The following ZNF423 variants were observed in gnomAD, a reference collection of about 807,000 sequenced individuals.
ZNF423 encodes the protein Ebf-associated zinc finger protein.
In ZNF423, 12 loss-of-function variants were observed where a neutral mutation model predicts 95.8. The observed-to-expected ratio is 0.13, with a 90% CI of 0.08 to 0.20. ZNF423 has a LOEUF of 0.20. ZNF423 is among the 10% of genes least tolerant of loss of function. ZNF423 has a pLI of 1.00. For missense variants in ZNF423, 1,316 were observed against 1,737.1 expected (o/e 0.76, Z 4.31); for synonymous variants, 749 against 711.9 (o/e 1.05, Z -0.83).
At chr16:49,602,013 C>T (rs150668424) in intron 5 of ZNF423, among the ~76,000 whole-genome samples, 1 of 152,326 alleles carries the variant, frequency 6.6e-6, no homozygotes, top group African/African-American at 2.4e-5. Flanking sequence ...AACTCTGGTC[C>T]CAGCACTGGG....
chr16:49,541,106 C>G (rs568505172), intron 5 of ZNF423, among the ~76,000 whole-genome samples: 27 of 152,308 alleles, frequency 1.8e-4, no homozygotes, highest in Middle Eastern at 6.8e-3. Context: ...GACTCCCGCT[C>G]TCTGCACCCA....
At chr16:49,686,662 T>C (rs935007384) in intron 3 of ZNF423, among the ~76,000 whole-genome samples, 2 of 143,198 alleles carry the variant, frequency 1.4e-5, no homozygotes, top group African/African-American at 5.1e-5. Context: ...CTGCCAGGCT[T>C]CCTACCTACC....
chr16:49,531,203 G>A (rs1413977990), intron 5 of ZNF423, among the ~76,000 whole-genome samples: 1 of 151,980 alleles, frequency 6.6e-6, no homozygotes, highest in African/African-American at 2.4e-5. Flanking sequence ...TGGCCAAGCT[G>A]CGGCCCCTCC....
At chr16:49,499,619 A>G (rs548419464) in intron 7 of ZNF423, among the ~76,000 whole-genome samples, 1 of 152,258 alleles carries the variant, frequency 6.6e-6, no homozygotes, top group East Asian at 1.9e-4. Flanking sequence ...TGCTCTATGG[A>G]GCCGAGGCGG....
chr16:49,721,772 A>C (rs1001065467), intron 3 of ZNF423, among the ~76,000 whole-genome samples: 13 of 152,112 alleles, frequency 8.5e-5, no homozygotes, highest in Non-Finnish European at 1.6e-4. Flanking sequence ...AACCTCCTCC[A>C]CTTTGGAGAG....
chr16:49,660,868 A>G (rs575243848), intron 3 of ZNF423, among the ~76,000 whole-genome samples: 1 of 152,280 alleles, frequency 6.6e-6, no homozygotes, highest in East Asian at 1.9e-4. Context: ...TATTCAGACC[A>G]GAGCCAAACA....
intron 3 of ZNF423, among the ~76,000 whole-genome samples, chr16:49,698,662 C>A (rs1191727798): frequency 6.6e-6 from 1 of 152,174 alleles, no homozygotes; most frequent in Non-Finnish European, 1.5e-5. Flanking sequence ...GGCCCGGCGC[C>A]TGCTCCACAT....
intron 1 of ZNF423, among the ~76,000 whole-genome samples, chr16:49,803,130 G>T (rs148222517): frequency 2.4e-4 from 37 of 152,236 alleles, no homozygotes; most frequent in African/African-American, 8.2e-4. Flanking sequence ...ATGGTGGCAT[G>T]CATGTGTAGT....
intron 5 of ZNF423, among the ~76,000 whole-genome samples, chr16:49,612,858 A>G (rs1971770367): frequency 6.6e-6 from 1 of 152,188 alleles, no homozygotes; most frequent in Non-Finnish European, 1.5e-5. Flanking sequence ...TCAAAAACCA[A>G]CTGTATTTCT....
chr16:49,677,269 A>AAGAGT (rs2031111596), intron 3 of ZNF423, among the ~76,000 whole-genome samples: 3 of 66,280 alleles, frequency 4.5e-5, no homozygotes, highest in Non-Finnish European at 9.2e-5. Context: ...AAGAGAAGAG[A>AAGAGT]AGAGAAGAGA....
intron 1 of ZNF423, among the ~76,000 whole-genome samples, chr16:49,824,629 C>A (rs1427429648): frequency 6.6e-6 from 1 of 152,194 alleles, no homozygotes; most frequent in East Asian, 1.9e-4. Flanking sequence ...ACCTGGGCAC[C>A]ACCAGAGCTC....
At chr16:49,501,063 T>C (rs1464785557) in intron 7 of ZNF423, among the ~76,000 whole-genome samples, 1 of 151,944 alleles carries the variant, frequency 6.6e-6, no homozygotes, top group Non-Finnish European at 1.5e-5. Context: ...GCTCAGAAAA[T>C]GTTTATGTCA....
intron 3 of ZNF423, among the ~76,000 whole-genome samples, chr16:49,696,197 T>G (rs2031963535): frequency 6.6e-6 from 1 of 152,226 alleles, no homozygotes; most frequent in East Asian, 1.9e-4. Flanking sequence ...CTCGCTTGAA[T>G]GACAAAGGTC....
chr16:49,855,006 C>T lies in ZNF423; in HGVS notation c.40+729G>A. 1.0e-6 allele frequency: 1 copy of T among 984,918 alleles called. No individual in the cohort carries two copies. 61.0% of individuals were successfully genotyped at this position (984,918 alleles called of 1,614,324 possible). A position where few individuals can be genotyped will look rare whatever the true frequency, so the allele number is the denominator to read the frequency against. ...AGGGGCGCGCACCGCGGCCGCTGAGCTCCCCTGAGGACCTGCGTCCCGCCG... is the reference window on the plus strand; with the variant it reads ...AGGGGCGCGCACCGCGGCCGCTGAGTTCCCCTGAGGACCTGCGTCCCGCCG... On this transcript the variant is annotated intron_variant, in intron 1 of 7. Transcript: ENST00000563137. The surrounding 1 kb of genome is among the most constrained non-coding windows in gnomAD (Gnocchi z 4.7).
chr16:49,757,460 G>T (rs2033748444), intron 2 of ZNF423, among the ~76,000 whole-genome samples: 1 of 152,244 alleles, frequency 6.6e-6, no homozygotes, highest in Admixed American at 6.5e-5. Context: ...CCACCTGCTT[G>T]AAGTTAAGTT....
intron 7 of ZNF423, among the ~76,000 whole-genome samples, chr16:49,502,052 A>C (rs1186165354): frequency 6.6e-6 from 1 of 152,210 alleles, no homozygotes; most frequent in East Asian, 1.9e-4. Context: ...GGAAAACGGA[A>C]GTAAAATAAA....
chr16:49,834,743 G>C (rs969795691), intron 1 of ZNF423, among the ~76,000 whole-genome samples: 1 of 152,128 alleles, frequency 6.6e-6, no homozygotes, highest in African/African-American at 2.4e-5. Flanking sequence ...CCCTGGGGCC[G>C]GGCCGGCTCA....
At chr16:49,772,205 G>A (rs985450169) in intron 2 of ZNF423, among the ~76,000 whole-genome samples, 13 of 152,188 alleles carry the variant, frequency 8.5e-5, no homozygotes, top group Non-Finnish European at 1.8e-4. Flanking sequence ...CAGGAGTGCC[G>A]ACGTCCAAGG....
chr16:49,532,184 C>T (rs1450641416), intron 5 of ZNF423, among the ~76,000 whole-genome samples: 4 of 152,166 alleles, frequency 2.6e-5, no homozygotes, highest in African/African-American at 7.2e-5. Context: ...GTGGTTACTC[C>T]TGGGATGGAA....
Sources: gnomAD v4.1 joint callset for allele counts (sites outside exome capture counted in the v4.1 genomes callset) on GRCh38, gnomAD v4.1.1 for gene constraint, Gnocchi (gnomAD v3.1) non-coding constraint, MANE v1.5 for transcripts, NCBI Gene and HGNC (gene_info 2026-07-23, HGNC 2026-07-21) for gene names.